Variants in USH2A observed in about 807,000 individuals in gnomAD.
The protein encoded by USH2A is usherin.
In USH2A, 443 loss-of-function variants were observed where a neutral mutation model predicts 538.9. The observed-to-expected ratio is 0.82, with a 90% CI of 0.76 to 0.89. The LOEUF (loss-of-function observed/expected upper bound fraction) is 0.89. Among genes scored for constraint, USH2A ranks in the 40% least tolerant of loss-of-function variants. USH2A has a pLI of 0.00. For synonymous variants in USH2A, 2,413 were observed against 2,273.5 expected (o/e 1.06, Z -1.75); for missense variants, 6,633 against 6,324.8 (o/e 1.05, Z -1.65).
At chr1:216,000,241 G>A (rs1668234813) in intron 33 of USH2A, among the ~76,000 whole-genome samples, 162 bp downstream of exon 33, 1 of 152,084 alleles carries the variant, frequency 6.6e-6, no homozygotes, top group Non-Finnish European at 1.5e-5. Flanking sequence ...TGGAAATTAG[G>A]CTGGCAAGTG....
chr1:216,211,317 G>T (rs536256304), intron 15 of USH2A, among the ~76,000 whole-genome samples: 1 of 152,290 alleles, frequency 6.6e-6, no homozygotes, highest in South Asian at 2.1e-4. Flanking sequence ...GGTGTTAGAA[G>T]TTGGGGGCAG....
intron 35 of USH2A, among the ~76,000 whole-genome samples, chr1:215,987,908 T>C (rs678706): frequency 0.88 from 133,353 of 152,172 alleles, 58,618 homozygotes; most frequent in African/African-American, 0.95. Flanking sequence ...GCATACTTCA[T>C]GCATAGATCT....
At chr1:216,108,253 T>C (rs1055072473) in intron 21 of USH2A, among the ~76,000 whole-genome samples, 2 of 151,908 alleles carry the variant, frequency 1.3e-5, no homozygotes, top group Non-Finnish European at 1.5e-5. Context: ...AGAATTGAGA[T>C]TGGTGTTTTA....
chr1:215,791,984 A>C (rs1169283736), intron 50 of USH2A, among the ~76,000 whole-genome samples: 1 of 152,204 alleles, frequency 6.6e-6, no homozygotes, highest in Non-Finnish European at 1.5e-5. Context: ...AGACATTTAA[A>C]TACAACCATG....
At chr1:216,227,938 ACAG>A (rs1408334439) in intron 14 of USH2A, among the ~76,000 whole-genome samples, 1 of 152,202 alleles carries the variant, frequency 6.6e-6, no homozygotes, top group Non-Finnish European at 1.5e-5. Flanking sequence ...ACCCCACAGT[ACAG>A]CAGAAGGGAG....
intron 56 of USH2A, among the ~76,000 whole-genome samples, chr1:215,760,851 C>T (rs962183659): frequency 6.6e-6 from 1 of 152,190 alleles, no homozygotes; most frequent in African/African-American, 2.4e-5. Flanking sequence ...AGCTTCTAAA[C>T]TTGCCTCCAT....
intron 38 of USH2A, among the ~76,000 whole-genome samples, chr1:215,914,587 A>G (rs1237881507): frequency 6.6e-6 from 1 of 152,146 alleles, no homozygotes; most frequent in Non-Finnish European, 1.5e-5. Flanking sequence ...GTTTTTGTTA[A>G]GAGCAACCCT....
At chr1:216,386,866 A>C (rs958358098) in intron 3 of USH2A, among the ~76,000 whole-genome samples, 2 of 152,106 alleles carry the variant, frequency 1.3e-5, no homozygotes, top group Non-Finnish European at 2.9e-5. Context: ...ATGAGAAAAA[A>C]ATAATAATAA....
At chr1:215,975,708 G>C (rs1227664294) in intron 35 of USH2A, among the ~76,000 whole-genome samples, 1 of 152,050 alleles carries the variant, frequency 6.6e-6, no homozygotes, top group Non-Finnish European at 1.5e-5. Context: ...TGTTGTTTTG[G>C]TTACTGTAGC....
At chr1:215,876,600 T>A (rs1664781292) in intron 43 of USH2A, among the ~76,000 whole-genome samples, 1 of 152,176 alleles carries the variant, frequency 6.6e-6, no homozygotes, top group Admixed American at 6.5e-5. Context: ...TCTGATAATA[T>A]AACGTGGTGT....
chr1:215,685,955 A>G (rs1245890802), intron 61 of USH2A, among the ~76,000 whole-genome samples: 1 of 152,116 alleles, frequency 6.6e-6, no homozygotes, highest in Non-Finnish European at 1.5e-5. Flanking sequence ...GAAAGGTAGA[A>G]CAAAATACCC....
intron 32 of USH2A, among the ~76,000 whole-genome samples, chr1:216,006,475 TC>T (rs1261530549): frequency 6.6e-6 from 1 of 152,200 alleles, no homozygotes; most frequent in East Asian, 1.9e-4. Context: ...TATATGGCTA[TC>T]CCAGTTCCCA....
intron 37 of USH2A, among the ~76,000 whole-genome samples, chr1:215,935,949 G>A (rs1423962641): frequency 1.3e-5 from 2 of 151,980 alleles, no homozygotes; most frequent in Admixed American, 6.6e-5. Flanking sequence ...GGAGGCTGAG[G>A]TGGGAGAATC....
intron 60 of USH2A, 128 bp from the exon 61 acceptor site, chr1:215,728,512 C>T (rs1165214562): frequency 1.1e-6 from 1 of 927,784 alleles, no homozygotes; most frequent in Admixed American, 2.2e-5. Flanking sequence ...TTCCTGGTGT[C>T]ATAGTAAAGA....
intron 64 of USH2A, among the ~76,000 whole-genome samples, chr1:215,655,746 T>TTTTC (rs1558039933): frequency 6.8e-5 from 10 of 146,852 alleles, no homozygotes; most frequent in African/African-American, 2.6e-4. Flanking sequence ...TTTTTTTTTT[T>TTTTC]TTTCTTTGAG....
intron 2 of USH2A, among the ~76,000 whole-genome samples, chr1:216,421,591 G>A (rs910093990): frequency 1.3e-5 from 2 of 152,134 alleles, no homozygotes; most frequent in Non-Finnish European, 2.9e-5. Flanking sequence ...AAGACCAAAG[G>A]TCGCGCTAAG....
At chr1:216,060,248 C>G (rs1156828201) in intron 30 of USH2A, among the ~76,000 whole-genome samples, 1 of 152,200 alleles carries the variant, frequency 6.6e-6, no homozygotes, top group East Asian at 1.9e-4. Context: ...TGTACAGAAT[C>G]ATGTGTGAGT....
chr1:215,911,698 G>T lies in USH2A; in HGVS notation c.7301-10793C>A, dbSNP rs114532737. On this transcript the variant is annotated intron_variant, in intron 38 of 71. Transcript: ENST00000307340. ...AATGAAGATATTTCTTCAACATACT[G>T]ATTTCCTTTCTTTTGGGTGTATGCC... 3.9e-3 allele frequency among the ~76,000 whole-genome samples: 593 copies of T among 152,168 alleles called. 5 individuals are homozygous for T. Among genetic ancestry groups the T allele is most frequent in the African/African-American group, 0.014 (569 of 41,558 alleles).
chr1:216,404,022 T>C (rs923864427), intron 3 of USH2A, among the ~76,000 whole-genome samples: 2 of 152,176 alleles, frequency 1.3e-5, no homozygotes, highest in Non-Finnish European at 2.9e-5. Flanking sequence ...TCCCCAGCCA[T>C]GTGAAACCAA....
Sources: allele counts gnomAD v4.1 joint callset (sites outside exome capture counted in the v4.1 genomes callset), GRCh38; gene constraint gnomAD v4.1.1; transcripts MANE v1.5; gene names NCBI Gene and HGNC (gene_info 2026-07-23, HGNC 2026-07-21).